Variants in ANK3 observed in about 807,000 individuals in gnomAD.
ANK3 encodes the protein ankyrin 3.
In ANK3, 57 loss-of-function variants were observed where a neutral mutation model predicts 370.9. The observed-to-expected ratio is 0.15, with a 90% CI of 0.12 to 0.19. ANK3 has a LOEUF of 0.19. ANK3 is among the 10% of genes least tolerant of loss of function. The pLI is 1.00. For synonymous variants in ANK3, 1,929 were observed against 1,946.3 expected (o/e 0.99, Z 0.23); for missense variants, 4,439 against 5,302.1 (o/e 0.84, Z 5.06).
chr10:60,398,592 T>C (rs893326989), intron 2 of ANK3, among the ~76,000 whole-genome samples: 1 of 152,198 alleles, frequency 6.6e-6, no homozygotes, highest in African/African-American at 2.4e-5. Context: ...TGGAAAAACG[T>C]ATGTTGCTAT....
chr10:60,062,646 T>G (rs1360829966), intron 40 of ANK3: 1 of 152,346 alleles, frequency 6.6e-6, no homozygotes, highest in Non-Finnish European at 1.5e-5. Flanking sequence ...AAATACCTGG[T>G]GCCACACAGT....
chr10:60,500,397 T>G (rs2075767052), intron 2 of ANK3, among the ~76,000 whole-genome samples: 3 of 152,148 alleles, frequency 2.0e-5, no homozygotes, highest in Admixed American at 6.5e-5. Context: ...AAAAAGAGTT[T>G]CAATTTGTGG....
At chr10:60,535,895 A>G (rs2076714151) in intron 2 of ANK3, among the ~76,000 whole-genome samples, 1 of 151,536 alleles carries the variant, frequency 6.6e-6, no homozygotes, top group Admixed American at 6.6e-5. Context: ...TGGTTGCTCT[A>G]AATATCGGCA....
Position 60,452,382 on chromosome 10 carries a change from A to C in ANK3, c.96+162804T>G, listed in dbSNP as rs183572733. On this transcript the variant is annotated intron_variant, in intron 2 of 43. Transcript: ENST00000373827. ...CAACCAGGGTTGTTCCTTTGGGATGAGGTTCTAGCAGGAGGCAAGAATGGC... is the reference window on the plus strand; with the variant it reads ...CAACCAGGGTTGTTCCTTTGGGATGCGGTTCTAGCAGGAGGCAAGAATGGC... Among the ~76,000 whole-genome samples, 380 of 152,332 alleles carry C rather than the reference A, an allele frequency of 2.5e-3. 1 individual carries two copies. The highest frequency in any genetic ancestry group is 8.4e-3 in the African/African-American group (349 of 41,584).
intron 2 of ANK3, among the ~76,000 whole-genome samples, chr10:60,479,007 C>T (rs2075142607): frequency 6.6e-6 from 1 of 152,070 alleles, no homozygotes; most frequent in African/African-American, 2.4e-5. Context: ...TGTTCCCAAA[C>T]CACGATCTCA....
At chr10:60,250,645 A>T (rs10994282) in intron 7 of ANK3, among the ~76,000 whole-genome samples, 6,080 of 152,162 alleles carry the variant, frequency 0.04, 409 homozygotes, top group African/African-American at 0.14. Context: ...GATTACGGGC[A>T]TGAGCCACCG....
intron 2 of ANK3, among the ~76,000 whole-genome samples, chr10:60,567,457 C>T (rs1299780852): frequency 6.6e-6 from 1 of 152,004 alleles, no homozygotes; most frequent in African/African-American, 2.4e-5. Flanking sequence ...GACCTGCTGG[C>T]CAGAAAAAAA....
At chr10:60,374,782 T>C (rs10994320) in intron 1 of ANK3, among the ~76,000 whole-genome samples, 3 of 152,198 alleles carry the variant, frequency 2.0e-5, no homozygotes, top group Non-Finnish European at 4.4e-5. Flanking sequence ...ATAAACTGAA[T>C]ATAGAAAAAT....
intron 2 of ANK3, among the ~76,000 whole-genome samples, chr10:60,530,588 G>C (rs1595217084): frequency 6.6e-6 from 1 of 152,136 alleles, no homozygotes; most frequent in Admixed American, 6.5e-5. Context: ...GCCTCTGTAA[G>C]TTTGTTGCCC....
chr10:60,043,954 T>C (rs2076537452), intron 42 of ANK3: 5 of 985,812 alleles, frequency 5.1e-6, no homozygotes, highest in Non-Finnish European at 6.0e-6. Context: ...GCATAAGATG[T>C]CAAAAGCAGC....
chr10:60,728,000 G>A (rs917785772), intron 1 of ANK3, among the ~76,000 whole-genome samples: 1 of 152,058 alleles, frequency 6.6e-6, no homozygotes, highest in Non-Finnish European at 1.5e-5. Flanking sequence ...GTACGTAAGT[G>A]GTGTGCTTAC....
intron 1 of ANK3, among the ~76,000 whole-genome samples, chr10:60,380,945 T>C (rs1594803827): frequency 6.6e-6 from 1 of 152,018 alleles, no homozygotes; most frequent in Admixed American, 6.6e-5. Flanking sequence ...GAGAAGGGAA[T>C]CCGCCGATAA....
intron 1 of ANK3, chr10:60,685,102 G>A: frequency 9.3e-7 from 1 of 1,077,810 alleles, no homozygotes; most frequent in Non-Finnish European, 1.3e-6. Context: ...TTATATCTGT[G>A]TGGAGGAGGT....
At chr10:60,225,521 G>A (rs2097126397) in intron 8 of ANK3, among the ~76,000 whole-genome samples, 1 of 152,006 alleles carries the variant, frequency 6.6e-6, no homozygotes, top group Non-Finnish European at 1.5e-5. Flanking sequence ...TGCCTCCCTT[G>A]GAAGGACTGG....
chr10:60,424,175 C>T (rs1159535669), intron 2 of ANK3, among the ~76,000 whole-genome samples: 1 of 151,954 alleles, frequency 6.6e-6, no homozygotes, highest in East Asian at 1.9e-4. Flanking sequence ...GACCACACAT[C>T]CTGGTTTTGG....
At chr10:60,044,046 A>G in intron 42 of ANK3, 5 of 985,760 alleles carry the variant, frequency 5.1e-6, no homozygotes, top group Non-Finnish European at 6.0e-6. Flanking sequence ...TGTCCTCTAC[A>G]TTCTCTTTGG....
chr10:60,135,015 T>G (rs1484750228), intron 24 of ANK3, among the ~76,000 whole-genome samples: 1 of 152,212 alleles, frequency 6.6e-6, no homozygotes, highest in Non-Finnish European at 1.5e-5. Flanking sequence ...CCAACTGTTC[T>G]TTCCAGCCAC....
intron 23 of ANK3, among the ~76,000 whole-genome samples, chr10:60,158,097 C>G (rs1221807067): frequency 6.6e-6 from 1 of 152,074 alleles, no homozygotes; most frequent in Non-Finnish European, 1.5e-5. Context: ...TCATCAAACT[C>G]TCAAAGATCA....
At chr10:60,298,313 C>T (rs147133883) in intron 1 of ANK3, among the ~76,000 whole-genome samples, 27 of 152,120 alleles carry the variant, frequency 1.8e-4, no homozygotes, top group African/African-American at 6.3e-4. Context: ...AACCACAAGC[C>T]GAACAGAAGC....
Sources: allele counts gnomAD v4.1 joint callset (sites outside exome capture counted in the v4.1 genomes callset), GRCh38; gene constraint gnomAD v4.1.1; transcripts MANE v1.5; gene names NCBI Gene and HGNC (gene_info 2026-07-23, HGNC 2026-07-21).